The following C8orf34 variants were observed in gnomAD, a reference collection of about 807,000 sequenced individuals.
C8orf34 encodes the protein uncharacterized protein C8orf34.
C8orf34 carries 65 observed loss-of-function variants against 68.3 expected under a neutral mutation model. The ratio of observed to expected loss-of-function variants is 0.95; its 90% CI spans 0.78 to 1.17. The LOEUF (loss-of-function observed/expected upper bound fraction) is 1.17. Among genes scored for constraint, C8orf34 ranks in the 50% most tolerant of loss-of-function variants. The pLI is 0.00. For missense variants in C8orf34, 664 were observed against 655.4 expected (o/e 1.01, Z -0.14); for synonymous variants, 244 against 241.2 (o/e 1.01, Z -0.11).
At chr8:68,434,301 C>T (rs1810566560) in intron 1 of C8orf34, among the ~76,000 whole-genome samples, 1 of 152,168 alleles carries the variant, frequency 6.6e-6, no homozygotes, top group African/African-American at 2.4e-5. Flanking sequence ...CCTCCCCTTA[C>T]CCCCAGTGTG....
intron 9 of C8orf34, among the ~76,000 whole-genome samples, chr8:68,711,872 C>A (rs908891800): frequency 6.6e-6 from 1 of 152,040 alleles, no homozygotes; most frequent in Admixed American, 6.6e-5. Flanking sequence ...TCATTACCTG[C>A]ACACATAGTC....
At chr8:68,527,939 C>T (rs923596592) in intron 6 of C8orf34, among the ~76,000 whole-genome samples, 2 of 152,058 alleles carry the variant, frequency 1.3e-5, no homozygotes, top group Non-Finnish European at 2.9e-5. Context: ...GTGGTGTCAT[C>T]CTTTATCGTC....
At chr8:68,715,646 T>TA (rs1821449922) in intron 9 of C8orf34, among the ~76,000 whole-genome samples, 1 of 145,388 alleles carries the variant, frequency 6.9e-6, no homozygotes, top group Non-Finnish European at 1.5e-5. Flanking sequence ...ATTTTTTTAC[T>TA]ATAAAAAATA....
intron 7 of C8orf34, among the ~76,000 whole-genome samples, chr8:68,617,964 C>CT (rs1351237157): frequency 6.6e-6 from 1 of 152,134 alleles, no homozygotes; most frequent in Non-Finnish European, 1.5e-5. Flanking sequence ...TCCCATATTT[C>CT]TTGGAGGCTT....
intron 6 of C8orf34, among the ~76,000 whole-genome samples, chr8:68,532,366 A>T (rs1815284923): frequency 6.6e-6 from 1 of 152,198 alleles, no homozygotes; most frequent in African/African-American, 2.4e-5. Flanking sequence ...GTAAATGTTG[A>T]TATTAATAAA....
chr8:68,673,309 C>T (rs1820075971), intron 8 of C8orf34, among the ~76,000 whole-genome samples: 1 of 151,696 alleles, frequency 6.6e-6, no homozygotes, highest in Non-Finnish European at 1.5e-5. Flanking sequence ...ATTGTGGACC[C>T]CAAGTAGACC....
At chr8:68,541,276 A>G (rs1363951041) in intron 7 of C8orf34, among the ~76,000 whole-genome samples, 1 of 152,064 alleles carries the variant, frequency 6.6e-6, no homozygotes, top group East Asian at 1.9e-4. Flanking sequence ...CAGCCTGGGC[A>G]GCATAGAGAG....
intron 7 of C8orf34, among the ~76,000 whole-genome samples, chr8:68,575,336 T>C (rs1465224000): frequency 2.0e-5 from 3 of 152,126 alleles, no homozygotes; most frequent in Admixed American, 2.0e-4. Flanking sequence ...TATTTCCTAA[T>C]CATTCTTTTT....
At chr8:68,602,745 G>T (rs1256516118) in intron 7 of C8orf34, among the ~76,000 whole-genome samples, 1 of 152,032 alleles carries the variant, frequency 6.6e-6, no homozygotes, top group East Asian at 1.9e-4. Context: ...GCTCGTACTA[G>T]ATCGTTGACA....
rs73267811 is a variant in C8orf34 at position 68,674,599 on chromosome 8, G to A, written c.1241+34088G>A. ...GAAGGCAGGCTATTTGAAAATACGC[G>A]GTCAGAGGAGATGAAAGAAAAAAAA... On this transcript the variant is annotated intron_variant, in intron 8 of 13. Coordinates refer to ENST00000518698, the MANE Select transcript of C8orf34 (RefSeq NM_052958.4). Among the ~76,000 whole-genome samples, 427 of 151,836 alleles carry A rather than the reference G, an allele frequency of 2.8e-3. 4 individuals carry two copies. The highest frequency in any genetic ancestry group is 9.2e-3 in the African/African-American group (381 of 41,372).
intron 1 of C8orf34, among the ~76,000 whole-genome samples, chr8:68,408,435 C>T (rs1279764101): frequency 6.6e-6 from 1 of 152,074 alleles, no homozygotes; most frequent in African/African-American, 2.4e-5. Context: ...TTGTCTTCTG[C>T]AAAACTGCTC....
intron 8 of C8orf34, among the ~76,000 whole-genome samples, chr8:68,676,804 G>A (rs920218092): frequency 6.6e-6 from 1 of 152,320 alleles, no homozygotes; most frequent in African/African-American, 2.4e-5. Context: ...TGGACTCACA[G>A]TTCCACGTGG....
intron 7 of C8orf34, among the ~76,000 whole-genome samples, chr8:68,637,802 G>A (rs936277044): frequency 6.6e-6 from 1 of 152,118 alleles, no homozygotes; most frequent in Admixed American, 6.6e-5. Context: ...AAATGCTTTG[G>A]CTTTAATTCC....
At chr8:68,423,174 C>A (rs1164097522) in intron 1 of C8orf34, among the ~76,000 whole-genome samples, 1 of 152,080 alleles carries the variant, frequency 6.6e-6, no homozygotes, top group Non-Finnish European at 1.5e-5. Context: ...TTGAATTTTT[C>A]CCCAGAAAAT....
At chr8:68,535,841 A>G (rs2129867269) in intron 7 of C8orf34, 80 of 979,198 alleles carry the variant, frequency 8.2e-5, no homozygotes, top group Non-Finnish European at 9.6e-5. Context: ...TTTTTAAGAT[A>G]TAATCATTTT....
At chr8:68,724,781 A>G (rs1209953138) in intron 10 of C8orf34, among the ~76,000 whole-genome samples, 1 of 152,238 alleles carries the variant, frequency 6.6e-6, no homozygotes, top group Non-Finnish European at 1.5e-5. Context: ...AGCTTCATAA[A>G]TATAATACAT....
intron 3 of C8orf34, among the ~76,000 whole-genome samples, chr8:68,468,197 T>G (rs1371558833): frequency 6.6e-6 from 1 of 152,024 alleles, no homozygotes; most frequent in Non-Finnish European, 1.5e-5. Flanking sequence ...TAATAATGTC[T>G]TCTACACTTG....
At chr8:68,615,522 G>A (rs1419946457) in intron 7 of C8orf34, among the ~76,000 whole-genome samples, 3 of 152,122 alleles carry the variant, frequency 2.0e-5, no homozygotes, top group Non-Finnish European at 2.9e-5. Context: ...TTTGTCAAAG[G>A]CCTTTTCTGC....
chr8:68,673,302 G>T lies in C8orf34; in HGVS notation c.1241+32791G>T, dbSNP rs560159056. On this transcript the variant is annotated intron_variant, in intron 8 of 13. Transcript: ENST00000518698. Reference sequence around the variant, plus strand: ...AGTACCAGCTCAGCCACACCTAATTGTGGACCCCAAGTAGACCCCTAAGTG... The same window carrying T: ...AGTACCAGCTCAGCCACACCTAATTTTGGACCCCAAGTAGACCCCTAAGTG... Among the ~76,000 whole-genome samples the T allele has an allele frequency of 6.3e-4, 96 of 151,900 alleles. 1 individual carries two copies. In the South Asian group the frequency reaches 0.015, roughly 23 times the overall value.
Sources: gnomAD v4.1 joint callset for allele counts (sites outside exome capture counted in the v4.1 genomes callset) on GRCh38, gnomAD v4.1.1 for gene constraint, MANE v1.5 for transcripts, NCBI Gene and HGNC (gene_info 2026-07-23, HGNC 2026-07-21) for gene names.